The following DST variants were observed in gnomAD, a reference collection of about 807,000 sequenced individuals.
The protein encoded by DST is dystonin, also known as bullous pemphigoid antigen.
Under a neutral mutation model 875.2 loss-of-function variants are expected in DST, and 253 were observed. The ratio of observed to expected loss-of-function variants is 0.29; its 90% CI spans 0.26 to 0.32. The LOEUF (loss-of-function observed/expected upper bound fraction) is 0.32. DST is among the 10% of genes least tolerant of loss of function. DST has a pLI of 1.00. For synonymous variants in DST, 3,124 were observed against 3,197.1 expected (o/e 0.98, Z 0.77); for missense variants, 8,287 against 9,111.6 (o/e 0.91, Z 3.68).
intron 4 of DST, among the ~76,000 whole-genome samples, chr6:56,827,164 G>A (rs2099781507): frequency 6.6e-6 from 1 of 152,110 alleles, no homozygotes; most frequent in Admixed American, 6.5e-5. Flanking sequence ...TAAAAATGCT[G>A]TTTAAGTAAA....
At chr6:56,775,270 C>T (rs2099676607) in intron 4 of DST, among the ~76,000 whole-genome samples, 1 of 152,140 alleles carries the variant, frequency 6.6e-6, no homozygotes, top group Non-Finnish European at 1.5e-5. Flanking sequence ...TAACAGTCTC[C>T]GTTAAACCCA....
chr6:56,678,504 A>G (rs2099141324), intron 9 of DST, among the ~76,000 whole-genome samples: 1 of 152,226 alleles, frequency 6.6e-6, no homozygotes, highest in Non-Finnish European at 1.5e-5. Context: ...CCTGTAACAA[A>G]AGATAGATTA....
chr6:56,619,842 A>G, intron 36 of DST: 1 of 1,614,000 alleles, frequency 6.2e-7, no homozygotes, highest in Non-Finnish European at 8.5e-7. Context: ...TCCTCAGATG[A>G]CGTTTTTTCA....
chr6:56,697,691 G>A (rs562232900), intron 9 of DST, among the ~76,000 whole-genome samples: 7 of 152,088 alleles, frequency 4.6e-5, no homozygotes, highest in Admixed American at 6.5e-5. Context: ...GTGATCCTTC[G>A]TCTAACATTC....
At chr6:56,603,475 A>T (rs2098464663) in intron 41 of DST, 55 bp from the exon 42 acceptor site, 1 of 1,593,990 alleles carries the variant, frequency 6.3e-7, no homozygotes, top group East Asian at 2.2e-5. Flanking sequence ...ACCCAAATAT[A>T]AACATGAAAC....
intron 4 of DST, among the ~76,000 whole-genome samples, chr6:56,814,160 A>T (rs2099763937): frequency 6.6e-6 from 1 of 152,156 alleles, no homozygotes; most frequent in Admixed American, 6.5e-5. Context: ...TTATTATATA[A>T]ACAAATATAG....
chr6:56,603,508 T>A, intron 41 of DST, 56 bp downstream of exon 41: 3 of 1,589,704 alleles, frequency 1.9e-6, no homozygotes, highest in Middle Eastern at 1.8e-4. Flanking sequence ...TGCTTCTTTT[T>A]CCCAGTCATA....
chr6:56,767,641 AT>A (rs2099637281), intron 4 of DST, among the ~76,000 whole-genome samples: 1 of 151,740 alleles, frequency 6.6e-6, no homozygotes, highest in Admixed American at 6.6e-5. Flanking sequence ...AAATAAATAA[AT>A]AAATAAATAA....
rs924915953 is a variant in DST at position 56,604,383 on chromosome 6, A to G, written c.10245T>C (p.Ser3415=). 6.2e-7 allele frequency: 1 copy of G among 1,611,890 alleles called. No individual in the cohort carries two copies. Among genetic ancestry groups the G allele is most frequent in the East Asian group, 2.2e-5 (1 of 44,778 alleles). ...ATGAGTTAGTCATGGGGGAAACTCCAGAAGAGTCACTCATTTGAGAGTCGC... is the reference window on the plus strand; with the variant it reads ...ATGAGTTAGTCATGGGGGAAACTCCGGAAGAGTCACTCATTTGAGAGTCGC... ...VPSDSQMSDS[S]GVSPMTNSSE... The change falls in exon 40 of 104, where the codon TCT becomes TCC. Residue 3415 remains serine, a synonymous_variant. Coordinates refer to ENST00000680361, the MANE Select transcript of DST (RefSeq NM_001374736.1).
intron 61 of DST, among the ~76,000 whole-genome samples, chr6:56,538,175 A>G (rs970188537): frequency 6.6e-6 from 1 of 152,014 alleles, no homozygotes; most frequent in African/African-American, 2.4e-5. Context: ...TTTTTGGTAG[A>G]GACTGGGTCC....
At chr6:56,677,883 A>G (rs1430738203) in intron 9 of DST, among the ~76,000 whole-genome samples, 1 of 152,202 alleles carries the variant, frequency 6.6e-6, no homozygotes, top group Admixed American at 6.5e-5. Context: ...CCCCATGGTA[A>G]ACAAAGTCTC....
chr6:56,624,138 C>T (rs76479639), intron 36 of DST, among the ~76,000 whole-genome samples: 14,039 of 151,996 alleles, frequency 0.092, 1,253 homozygotes, highest in African/African-American at 0.24. Context: ...CAAATGTGTT[C>T]GTGTGGTATT....
At chr6:56,603,511 C>T (rs2098465197) in intron 41 of DST, 53 bp downstream of exon 41, 11 of 1,587,832 alleles carry the variant, frequency 6.9e-6, no homozygotes, top group Admixed American at 1.8e-5. Flanking sequence ...TTCTTTTTCC[C>T]AGTCATACAT....
At chr6:56,738,281 G>C (rs1161131832) in intron 4 of DST, among the ~76,000 whole-genome samples, 2 of 152,194 alleles carry the variant, frequency 1.3e-5, no homozygotes, top group Non-Finnish European at 2.9e-5. Flanking sequence ...CCAGACAGTA[G>C]AAGTAGTTTG....
intron 4 of DST, among the ~76,000 whole-genome samples, chr6:56,779,570 A>C (rs1457436126): frequency 3.9e-5 from 6 of 152,054 alleles, no homozygotes; most frequent in South Asian, 2.1e-4. Flanking sequence ...TATAAGGTGT[A>C]AGGAAGGGAT....
intron 75 of DST, among the ~76,000 whole-genome samples, chr6:56,507,758 A>G (rs984920181): frequency 1.3e-5 from 2 of 152,192 alleles, no homozygotes; most frequent in African/African-American, 4.8e-5. Context: ...AAACATAGGC[A>G]TGAGCTAGGC....
chr6:56,848,525 A>G (rs1274884305), intron 4 of DST, among the ~76,000 whole-genome samples: 1 of 152,208 alleles, frequency 6.6e-6, no homozygotes, highest in Non-Finnish European at 1.5e-5. Context: ...TTTTCATAGT[A>G]TCTACAGCAC....
At chr6:56,764,167 T>G (rs1414390504) in intron 4 of DST, among the ~76,000 whole-genome samples, 1 of 151,010 alleles carries the variant, frequency 6.6e-6, no homozygotes, top group Non-Finnish European at 1.5e-5. Flanking sequence ...TCAACCCTGG[T>G]CTGACCACTT....
At chr6:56,585,386 G>A (rs2098126292) in intron 49 of DST, among the ~76,000 whole-genome samples, 2 of 152,180 alleles carry the variant, frequency 1.3e-5, no homozygotes, top group South Asian at 4.1e-4. Flanking sequence ...TTGCGTAGAG[G>A]TGTTTGTAGT....
Sources: gnomAD v4.1 joint callset for allele counts (sites outside exome capture counted in the v4.1 genomes callset) on GRCh38, gnomAD v4.1.1 for gene constraint, MANE v1.5 for transcripts, NCBI Gene and HGNC (gene_info 2026-07-23, HGNC 2026-07-21) for gene names.